SH3BGRL2: variants seen among roughly 807,000 people sequenced by gnomAD.
The protein encoded by SH3BGRL2 is SH3 domain binding glutamate rich protein like 2, also known as SH3 domain-binding glutamic acid-rich-like protein 2.
SH3BGRL2 carries 21 observed loss-of-function variants against 14.8 expected under a neutral mutation model. That is an observed-to-expected ratio of 1.42 (90% CI 1.01 to 2.05). SH3BGRL2 has a LOEUF of 2.05. SH3BGRL2 is among the 30% of genes most tolerant of loss of function. The probability of loss-of-function intolerance (pLI) is 0.00; values close to 1 mark genes in which losing one functional copy is unlikely to be tolerated. For missense variants in SH3BGRL2, 147 were observed against 130.8 expected (o/e 1.12, Z -0.61); for synonymous variants, 50 against 47.8 (o/e 1.05, Z -0.19).
At chr6:79,620,911 T>C in the SH3BGRL2 span, among the ~76,000 whole-genome samples, 7 of 152,246 alleles carry the variant, frequency 4.6e-5, no homozygotes, top group South Asian at 2.1e-4. Flanking sequence ...TTGGGAAATA[T>C]AGTGGCTTTT....
At chr6:79,538,041 T>G in the SH3BGRL2 span, among the ~76,000 whole-genome samples, 5 of 140,864 alleles carry the variant, frequency 3.5e-5, no homozygotes, top group African/African-American at 1.1e-4. Flanking sequence ...TTTTTTTTTT[T>G]TTTTTTTTTT....
the SH3BGRL2 span, among the ~76,000 whole-genome samples, chr6:79,624,267 T>C: frequency 6.7e-6 from 1 of 150,028 alleles, no homozygotes; most frequent in African/African-American, 2.4e-5. Flanking sequence ...GAATACTATA[T>C]ATAGTATATC....
At chr6:79,640,556 C>T (rs865803079) in intron 1 of SH3BGRL2, among the ~76,000 whole-genome samples, 89 of 152,146 alleles carry the variant, frequency 5.8e-4, no homozygotes, top group African/African-American at 2.1e-3. Flanking sequence ...ACCTTTGTTA[C>T]TATTGACAGC....
At chr6:79,661,958 G>A (rs897768559) in intron 1 of SH3BGRL2, among the ~76,000 whole-genome samples, 11 of 151,982 alleles carry the variant, frequency 7.2e-5, no homozygotes, top group Non-Finnish European at 1.5e-4. Context: ...TGCAGCCCCC[G>A]CTTTTTTATT....
the SH3BGRL2 span, among the ~76,000 whole-genome samples, chr6:79,560,853 G>A: frequency 8.5e-6 from 1 of 117,238 alleles, no homozygotes; most frequent in South Asian, 3.2e-4. Flanking sequence ...TAAAATTAAT[G>A]TTAACAATAC....
the SH3BGRL2 span, among the ~76,000 whole-genome samples, chr6:79,539,293 T>G: frequency 1.3e-5 from 2 of 152,220 alleles, no homozygotes; most frequent in Non-Finnish European, 2.9e-5. Flanking sequence ...TATATATTAT[T>G]TTTGATAGGG....
upstream of SH3BGRL2, among the ~76,000 whole-genome samples, chr6:79,626,393 C>G (rs1253810637): frequency 6.6e-6 from 1 of 152,184 alleles, no homozygotes; most frequent in Non-Finnish European, 1.5e-5. Flanking sequence ...TGCCCTTGCT[C>G]TCTCCCTCTA....
At chr6:79,658,438 C>T (rs1769469408) in intron 1 of SH3BGRL2, among the ~76,000 whole-genome samples, 1 of 152,154 alleles carries the variant, frequency 6.6e-6, no homozygotes, top group Non-Finnish European at 1.5e-5. Flanking sequence ...TGATGGTTTC[C>T]AGCTTCATCC....
At chr6:79,596,334 T>A in the SH3BGRL2 span, among the ~76,000 whole-genome samples, 25 of 151,838 alleles carry the variant, frequency 1.6e-4, no homozygotes, top group Middle Eastern at 3.4e-3. Flanking sequence ...TGTTAAAAAA[T>A]TTTTTTGTAG....
chr6:79,644,076 G>A (rs924497747), intron 1 of SH3BGRL2, among the ~76,000 whole-genome samples: 1 of 152,158 alleles, frequency 6.6e-6, no homozygotes, highest in South Asian at 2.1e-4. Flanking sequence ...GGGCCTTTTG[G>A]GCAACAGATC....
the SH3BGRL2 span, among the ~76,000 whole-genome samples, chr6:79,562,210 TAC>T: frequency 6.6e-6 from 1 of 152,182 alleles, no homozygotes; most frequent in Non-Finnish European, 1.5e-5. Flanking sequence ...GTGAAGCCAT[TAC>T]ACACACACCA....
At chr6:79,560,485 G>A in the SH3BGRL2 span, among the ~76,000 whole-genome samples, 23 of 152,268 alleles carry the variant, frequency 1.5e-4, no homozygotes, top group African/African-American at 5.1e-4. Flanking sequence ...AGGTTGTAAT[G>A]TATTATGAGC....
At chr6:79,677,153 C>A (rs1769901663) in intron 2 of SH3BGRL2, among the ~76,000 whole-genome samples, 1 of 152,206 alleles carries the variant, frequency 6.6e-6, no homozygotes, top group South Asian at 2.1e-4. Flanking sequence ...TGCTTCTGTG[C>A]ACCTTGCTTT....
the SH3BGRL2 span, among the ~76,000 whole-genome samples, chr6:79,597,820 G>C: frequency 6.6e-6 from 1 of 152,162 alleles, no homozygotes; most frequent in African/African-American, 2.4e-5. Flanking sequence ...AAAGTGAAAA[G>C]ACAACCCACC....
chr6:79,619,683 C>A, the SH3BGRL2 span, among the ~76,000 whole-genome samples: 1 of 152,290 alleles, frequency 6.6e-6, no homozygotes, highest in Middle Eastern at 3.4e-3. Context: ...CTGTTTCCCC[C>A]ATTTCCAGCC....
chr6:79,693,508 T>C (rs1770270002), intron 2 of SH3BGRL2, among the ~76,000 whole-genome samples: 1 of 150,248 alleles, frequency 6.7e-6, no homozygotes, highest in Non-Finnish European at 1.5e-5. Context: ...CATAGATAGC[T>C]CTTATTATTT....
At chr6:79,617,205 A>G in the SH3BGRL2 span, among the ~76,000 whole-genome samples, 2 of 152,252 alleles carry the variant, frequency 1.3e-5, no homozygotes, top group African/African-American at 4.8e-5. Flanking sequence ...AAAAGAAAAA[A>G]AAAAGAAAAG....
chr6:79,558,437 A>T, the SH3BGRL2 span, among the ~76,000 whole-genome samples: 2 of 152,200 alleles, frequency 1.3e-5, no homozygotes, highest in Admixed American at 6.5e-5. Context: ...ACATCCTTTT[A>T]GAAAGGGTTT....
At chr6:79,629,906 T>C (rs2127720876), upstream of SH3BGRL2, among the ~76,000 whole-genome samples, 1 of 152,344 alleles carries the variant, frequency 6.6e-6, no homozygotes, top group African/African-American at 2.4e-5. Context: ...TCTTCATAGC[T>C]GAATAATTCC....
Sources: allele counts gnomAD v4.1 joint callset (sites outside exome capture counted in the v4.1 genomes callset), GRCh38; gene constraint gnomAD v4.1.1; transcripts MANE v1.5; gene names NCBI Gene and HGNC (gene_info 2026-07-23, HGNC 2026-07-21).